Variants in ABCA5 observed in about 807,000 individuals in gnomAD.
The protein encoded by ABCA5 is ATP binding cassette subfamily A member 5.
ABCA5 carries 163 observed loss-of-function variants against 206.0 expected under a neutral mutation model. That is an observed-to-expected ratio of 0.79 (90% CI 0.70 to 0.90). The LOEUF (loss-of-function observed/expected upper bound fraction) is 0.90. ABCA5 is among the 40% of genes least tolerant of loss of function. The probability of loss-of-function intolerance (pLI) is 0.00; values close to 1 mark genes in which losing one functional copy is unlikely to be tolerated. For missense variants in ABCA5, 1,859 were observed against 1,912.9 expected, an observed-to-expected ratio of 0.97 and a Z score of 0.53; for synonymous variants, 609 against 613.8, an observed-to-expected ratio of 0.99 and a Z score of 0.11.
chr17:69,257,350 T>C lies in ABCA5; in HGVS notation c.3732-1067A>G, dbSNP rs191172901. 1.3e-3 allele frequency among the ~76,000 whole-genome samples: 161 copies of C among 128,238 alleles called. 1 individual carries two copies. The highest frequency in any genetic ancestry group is 5.9e-3 in the Admixed American group (69 of 11,616). The allele number at this position is 128,238 out of a possible 152,430, so 84.1% of individuals were successfully genotyped here. On this transcript the variant is annotated intron_variant, in intron 28 of 38. Coordinates refer to ENST00000392676, the MANE Select transcript of ABCA5 (RefSeq NM_172232.4). ...GCCTGGGTGACAGAGTGAGATTCCA[T>C]CTCAAAAAAAAAAAAAAAAAGAAAA...
intron 6 of ABCA5, among the ~76,000 whole-genome samples, chr17:69,305,686 A>G (rs1266828139): frequency 6.6e-6 from 1 of 152,132 alleles, no homozygotes; most frequent in Non-Finnish European, 1.5e-5. Context: ...CCTGCACAAC[A>G]TGGCGAGACC....
At chr17:69,288,114 T>C (rs1037990788) in intron 14 of ABCA5, among the ~76,000 whole-genome samples, 37 of 152,126 alleles carry the variant, frequency 2.4e-4, no homozygotes, top group African/African-American at 8.7e-4. Flanking sequence ...TTTATAGTAG[T>C]TCAAGGGAAG....
intron 13 of ABCA5, among the ~76,000 whole-genome samples, 176 bp downstream of exon 13, chr17:69,289,686 T>C (rs2075502898): frequency 6.6e-6 from 1 of 152,188 alleles, no homozygotes; most frequent in Admixed American, 6.5e-5. Flanking sequence ...CAAACTTTTA[T>C]GTGTGCTAAA....
At position 69,251,790 on chromosome 17, in the gene ABCA5, C is replaced by T. The variant is rs1252138029; in HGVS notation, c.4492G>A (p.Ala1498Thr). Residue 1498 changes from alanine to threonine, a missense_variant, in exon 35 of 39, where the codon GCT (alanine) becomes ACT (threonine). Physicochemically the swap from Ala to Thr is moderately conservative, Grantham distance 58 (BLOSUM62 0). Coordinates refer to ENST00000392676, the MANE Select transcript of ABCA5 (RefSeq NM_172232.4). The stretch of plus-strand genomic sequence containing the variant: ...ATGATAGCTACTCGATCACAGACAG[C>T]CTCTGCCTCCTCCATATAGTGAGTG... ...LTTHYMEEAE[A>T]VCDRVAIMVS... 6.2e-7 allele frequency: 1 copy of T among 1,613,936 alleles called. No homozygotes were observed. The highest frequency in any genetic ancestry group is 8.5e-7 in the Non-Finnish European group (1 of 1,179,990).
chr17:69,301,193 G>C lies in ABCA5; in HGVS notation c.1213C>G (p.Leu405Val), dbSNP rs2075648916. 1 of 1,600,710 alleles carries C rather than the reference G, an allele frequency of 6.2e-7. No individual in the cohort carries two copies. Reference protein sequence around the residue: ...PLIITIIMLTLNSIFYVLLAV... With the variant: ...PLIITIIMLTVNSIFYVLLAV... ...AAGAGGACATAGAATATACTATTAA[G>C]TGTGAGCATGATAATTGTAATAATT... is the stretch of plus-strand genomic sequence containing the variant. The change falls in exon 9 of 39, where the codon CTT (leucine) becomes GTT (valine). Residue 405 changes from leucine (L) to valine (V), a missense_variant. Coordinates refer to ENST00000392676, the MANE Select transcript of ABCA5 (RefSeq NM_172232.4).
intron 38 of ABCA5, 43 bp from the exon 39 acceptor site, chr17:69,247,687 A>C (rs1206950262): frequency 8.8e-7 from 1 of 1,142,730 alleles, no homozygotes; most frequent in East Asian, 2.4e-5. Context: ...CTGTATCTCA[A>C]GTACCTCAAA....
chr17:69,304,372 T>C, intron 7 of ABCA5: 1 of 186,156 alleles, frequency 5.4e-6, no homozygotes, highest in East Asian at 1.3e-4. Context: ...ACAAAAATAG[T>C]CCAATACTTG....
chr17:69,256,450 TTC>T (rs2075082258), intron 28 of ABCA5, among the ~76,000 whole-genome samples, 167 bp from the exon 29 acceptor site: 1 of 151,246 alleles, frequency 6.6e-6, no homozygotes, highest in East Asian at 1.9e-4. Context: ...TTTTCTTTCT[TTC>T]TTTCTTTTTT....
chr17:69,264,653 A>G (rs2075188003), intron 24 of ABCA5, 82 bp downstream of exon 24: 2 of 1,006,086 alleles, frequency 2.0e-6, no homozygotes, highest in Non-Finnish European at 2.7e-6. Context: ...AAATTATGCA[A>G]TAAGTCAACT....
chr17:69,277,768 A>C lies in ABCA5; in HGVS notation c.2467T>G (p.Leu823Val), dbSNP rs1298687189. ...GCCTTGGTTTCAGAAAGAATAAGTA[A>C]GCTCTGTTCCATTTCATCAAAAGAT... is the stretch of plus-strand genomic sequence containing the variant. ...SKSFDEMEQS[L>V]LILSETKAAL... The change falls in exon 19 of 39, where the codon TTA becomes GTA. Residue 823 changes from leucine (L) to valine (V), a missense_variant. By Grantham distance (32) the Leu-to-Val change is conservative (BLOSUM62 1). Coordinates refer to ENST00000392676, the MANE Select transcript of ABCA5 (RefSeq NM_172232.4). The C allele has an allele frequency of 6.2e-7, 1 of 1,603,292 alleles. No homozygotes were observed. Among genetic ancestry groups the C allele is most frequent in the South Asian group, 1.1e-5 (1 of 88,394 alleles).
At position 69,326,621 on chromosome 17, in the gene ABCA5, C is replaced by T. The variant is rs908811719; in HGVS notation, c.-16+431G>A. 1.3e-5 allele frequency among the ~76,000 whole-genome samples: 2 copies of T among 152,224 alleles called. No homozygotes were observed. The highest frequency in any genetic ancestry group is 4.8e-5 in the African/African-American group (2 of 41,462). On this transcript the variant is annotated intron_variant, in intron 1 of 38. Coordinates refer to ENST00000392676, the MANE Select transcript of ABCA5 (RefSeq NM_172232.4). The surrounding 1 kb of genome is among the most constrained non-coding windows in gnomAD (Gnocchi z 4.8). Reference sequence around the variant, plus strand: ...CGCAGGGAAGAGCAAGCGCTCATTACCCAGCTGTTCAGACGGAAATTTACA... The same window carrying T: ...CGCAGGGAAGAGCAAGCGCTCATTATCCAGCTGTTCAGACGGAAATTTACA...
intron 22 of ABCA5, among the ~76,000 whole-genome samples, chr17:69,269,111 C>T (rs754981600): frequency 2.0e-5 from 3 of 151,914 alleles, no homozygotes; most frequent in South Asian, 2.1e-4. Context: ...GTATTTCTTT[C>T]GAAATATAGT....
chr17:69,273,065 C>G (rs1298339382), intron 20 of ABCA5, among the ~76,000 whole-genome samples: 1 of 152,088 alleles, frequency 6.6e-6, no homozygotes, highest in Non-Finnish European at 1.5e-5. Context: ...AACACTATGT[C>G]AGTTTTTTGT....
chr17:69,283,803 T>C, intron 18 of ABCA5, 150 bp downstream of exon 18: 1 of 687,770 alleles, frequency 1.5e-6, no homozygotes, highest in South Asian at 2.5e-5. Flanking sequence ...TTTCCTGCAT[T>C]ACTCCTATCA....
At chr17:69,289,633 AGAGAAGGCAGG>A (rs2075502235) in intron 13 of ABCA5, among the ~76,000 whole-genome samples, 1 of 152,146 alleles carries the variant, frequency 6.6e-6, no homozygotes, top group African/African-American at 2.4e-5. Context: ...GATGAGAGCA[AGAGAAGGCAGG>A]AATAAGGCAG....
At chr17:69,284,256 G>A (rs1250495858) in intron 17 of ABCA5, among the ~76,000 whole-genome samples, 184 bp from the exon 18 acceptor site, 2 of 152,102 alleles carry the variant, frequency 1.3e-5, no homozygotes, top group African/African-American at 4.8e-5. Context: ...TAGCTACTCA[G>A]GAGACTCAGG....
intron 10 of ABCA5, among the ~76,000 whole-genome samples, chr17:69,296,946 CAG>C (rs2075589905): frequency 6.6e-6 from 1 of 152,156 alleles, no homozygotes; most frequent in Non-Finnish European, 1.5e-5. Flanking sequence ...GGCTGGGCGA[CAG>C]AGCGAGATTC....
At chr17:69,317,896 A>C (rs1259676579) in intron 1 of ABCA5, 1 of 152,216 alleles carries the variant, frequency 6.6e-6, no homozygotes, top group Admixed American at 6.5e-5. Context: ...CACTCAACCC[A>C]GTAACCTAGG....
Position 69,287,750 on chromosome 17 carries a change from A to G in ABCA5, c.1904T>C (p.Ile635Thr). The G allele has an allele frequency of 6.2e-7, 1 of 1,612,702 alleles. No homozygotes were observed. Among genetic ancestry groups the G allele is most frequent in the Non-Finnish European group, 8.5e-7 (1 of 1,179,388 alleles). Residue 635 changes from isoleucine to threonine, a missense_variant and splice_region_variant, in exon 15 of 39, where the codon ATA (isoleucine) becomes ACA (threonine). Coordinates refer to ENST00000392676, the MANE Select transcript of ABCA5 (RefSeq NM_172232.4). Reference protein sequence around the residue: ...LGIAVLGNPKILLLDEPTAGM... With the variant: ...LGIAVLGNPKTLLLDEPTAGM... The stretch of plus-strand genomic sequence containing the variant: ...AGCTGTTGGTTCATCTAGCAGCAGT[A>G]TCTGTGTGAAAAGAGGTGAAGAAGG...
Sources: gnomAD v4.1 joint callset for allele counts (sites outside exome capture counted in the v4.1 genomes callset) on GRCh38, gnomAD v4.1.1 for gene constraint, Gnocchi (gnomAD v3.1) non-coding constraint, MANE v1.5 for transcripts, NCBI Gene and HGNC (gene_info 2026-07-23, HGNC 2026-07-21) for gene names.